Variants in TARM1 observed in about 807,000 individuals in gnomAD.
TARM1 encodes the protein T cell-interacting, activating receptor on myeloid cells 1, also known as T-cell-interacting, activating receptor on myeloid cells protein 1.
In TARM1, 24 loss-of-function variants were observed where a neutral mutation model predicts 30.4. The observed-to-expected ratio is 0.79, with a 90% CI of 0.57 to 1.11. The LOEUF (loss-of-function observed/expected upper bound fraction) is 1.11. TARM1 is among the 50% of genes least tolerant of loss of function. TARM1 has a pLI of 0.00. For synonymous variants in TARM1, 129 were observed against 138.9 expected, an observed-to-expected ratio of 0.93 and a Z score of 0.50; for missense variants, 323 against 332.8, an observed-to-expected ratio of 0.97 and a Z score of 0.23.
At chr19:54,078,079 G>T (rs587740310) in intron 1 of TARM1, among the ~76,000 whole-genome samples, 6 of 150,968 alleles carry the variant, frequency 4.0e-5, no homozygotes, top group Admixed American at 4.0e-4. Context: ...TAGAGACAGG[G>T]TTTCACCATG....
chr19:54,079,159 G>A (rs1417619647), intron 1 of TARM1, among the ~76,000 whole-genome samples: 1 of 150,716 alleles, frequency 6.6e-6, no homozygotes, highest in Non-Finnish European at 1.5e-5. Flanking sequence ...AGCTACTCGG[G>A]AGGGAGAGGC....
At chr19:54,075,802 G>A in intron 2 of TARM1, 81 bp downstream of exon 2, 1 of 1,464,580 alleles carries the variant, frequency 6.8e-7, no homozygotes, top group Non-Finnish European at 9.3e-7. Context: ...AAAAAAAAGA[G>A]AAAAAGAGGG....
chr19:54,070,680 T>G (rs2071790065), intron 4 of TARM1, among the ~76,000 whole-genome samples: 1 of 151,900 alleles, frequency 6.6e-6, no homozygotes, highest in Non-Finnish European at 1.5e-5. Flanking sequence ...TGGCACAATC[T>G]CAGCTCACTA....
rs1169761107 is a variant in TARM1 at position 54,070,173 on chromosome 19, A to G, written c.659-13T>C. On this transcript the variant is annotated splice_polypyrimidine_tract_variant and intron_variant, in intron 4 of 4. Coordinates refer to ENST00000432826, the MANE Select transcript of TARM1 (RefSeq NM_001135686.3). ...GTACCTGGGGGAACTGAAAGAGAGAAGGGGCTCAGCACTGACCCTCAGAGG... is the reference window on the plus strand; with the variant it reads ...GTACCTGGGGGAACTGAAAGAGAGAGGGGGCTCAGCACTGACCCTCAGAGG... 3.2e-6 allele frequency: 5 copies of G among 1,550,798 alleles called. No individual in the cohort carries two copies. The African/African-American group carries it at 5.5e-5, about 17-fold the overall frequency.
intron 2 of TARM1, among the ~76,000 whole-genome samples, chr19:54,075,532 C>T (rs766346373): frequency 5.3e-5 from 8 of 151,430 alleles, no homozygotes; most frequent in South Asian, 2.1e-4. Flanking sequence ...CGGTGGCTCA[C>T]GCCTGTAATC....
intron 4 of TARM1, among the ~76,000 whole-genome samples, chr19:54,072,238 A>G (rs1341195866): frequency 1.3e-5 from 2 of 152,116 alleles, no homozygotes; most frequent in African/African-American, 4.8e-5. Flanking sequence ...ACCTGGCTCA[A>G]TGTGTATTAA....
chr19:54,080,374 C>T (rs141092296), intron 1 of TARM1, among the ~76,000 whole-genome samples: 6,423 of 148,112 alleles, frequency 0.043, 390 homozygotes, highest in African/African-American at 0.14. Flanking sequence ...AGGAGAATGG[C>T]GTGAACCCGG....
chr19:54,076,314 CTCTTTCTTTCTTTTTCTTTCTTTCTT>C, intron 1 of TARM1: 1 of 765,722 alleles, frequency 1.3e-6, no homozygotes. Flanking sequence ...CAGAGTCTCG[CTCTTTCTTTCTTTTTCTTTCTTTCTT>C]TCTTTCTTTC....
chr19:54,073,163 C>G (rs587630421), intron 4 of TARM1, among the ~76,000 whole-genome samples: 2 of 151,780 alleles, frequency 1.3e-5, no homozygotes. Context: ...AATCCCAGCA[C>G]TTTGGGAGGC....
chr19:54,071,900 A>G (rs1420282616), intron 4 of TARM1, among the ~76,000 whole-genome samples: 2 of 150,574 alleles, frequency 1.3e-5, no homozygotes, highest in Non-Finnish European at 3.0e-5. Flanking sequence ...AGTAATAATA[A>G]AACTCTGATT....
rs919847937 is a variant in TARM1 at position 54,075,841 on chromosome 19, G to T, written c.70+42C>A. The T allele has an allele frequency of 9.7e-6, 15 of 1,545,316 alleles. No homozygotes were observed. In the Admixed American group the frequency reaches 2.0e-4, roughly 20 times the overall value. On this transcript the variant is annotated intron_variant, in intron 2 of 4. Coordinates refer to ENST00000432826, the MANE Select transcript of TARM1 (RefSeq NM_001135686.3). ...AGGGGAAGAGAACAGCAGGGGATTT[G>T]GGATGACAGGCCAAGGAGGGTGTAG...
chr19:54,071,395 C>T (rs1385553348), intron 4 of TARM1, among the ~76,000 whole-genome samples: 3 of 152,164 alleles, frequency 2.0e-5, no homozygotes, highest in South Asian at 2.1e-4. Context: ...TTTCTCCTCC[C>T]GCATCCTTAT....
intron 1 of TARM1, among the ~76,000 whole-genome samples, chr19:54,077,439 A>T (rs73060651): frequency 0.091 from 13,869 of 152,122 alleles, 663 homozygotes; most frequent in Middle Eastern, 0.13. Context: ...GTTTATGAAC[A>T]TTATCATAAT....
intron 4 of TARM1, among the ~76,000 whole-genome samples, chr19:54,072,152 G>T (rs2071828339): frequency 6.6e-6 from 1 of 151,164 alleles, no homozygotes; most frequent in African/African-American, 2.4e-5. Context: ...TCGCGCCACT[G>T]CACTCCAGCC....
At chr19:54,081,184 C>A (rs756547165) in intron 1 of TARM1, 123 bp downstream of exon 1, 2 of 859,682 alleles carry the variant, frequency 2.3e-6, no homozygotes, top group Admixed American at 2.3e-5. Flanking sequence ...CTCAGCAGGA[C>A]GTCTCACTCC....
At chr19:54,080,085 G>GAA (rs1398554168) in intron 1 of TARM1, among the ~76,000 whole-genome samples, 1 of 73,530 alleles carries the variant, frequency 1.4e-5, no homozygotes, top group African/African-American at 7.7e-5. Context: ...GAAGGAGAAA[G>GAA]AGAAAGAAAG....
At chr19:54,079,260 T>C (rs2072036691) in intron 1 of TARM1, among the ~76,000 whole-genome samples, 1 of 80,152 alleles carries the variant, frequency 1.2e-5, no homozygotes, top group African/African-American at 4.4e-5. Context: ...CAAGACTCCA[T>C]CTCCGAAAAA....
At chr19:54,073,827 G>A (rs963192015) in intron 4 of TARM1, 93 bp downstream of exon 4, 3 of 1,408,770 alleles carry the variant, frequency 2.1e-6, no homozygotes, top group Admixed American at 4.3e-5. Context: ...CGATGATATT[G>A]TAAGTAATGA....
At chr19:54,080,052 A>AGGAAGGAAGGAAGGAAGGGAG (rs1568511274) in intron 1 of TARM1, among the ~76,000 whole-genome samples, 2 of 24,554 alleles carry the variant, frequency 8.1e-5, no homozygotes, top group African/African-American at 1.7e-4. Flanking sequence ...AAGGAAGGGA[A>AGGAAGGAAGGAAGGAAGGGAG]AGAGAGAGAG....
Sources: gnomAD v4.1 joint callset for allele counts (sites outside exome capture counted in the v4.1 genomes callset) on GRCh38, gnomAD v4.1.1 for gene constraint, MANE v1.5 for transcripts, NCBI Gene and HGNC (gene_info 2026-07-23, HGNC 2026-07-21) for gene names.